Variants in SLC9A1 observed in about 807,000 individuals in gnomAD.
The protein encoded by SLC9A1 is sodium/hydrogen exchanger 1.
SLC9A1 carries 22 observed loss-of-function variants against 67.9 expected under a neutral mutation model. The ratio of observed to expected loss-of-function variants is 0.32; its 90% CI spans 0.23 to 0.46. SLC9A1 has a LOEUF of 0.46. Among genes scored for constraint, SLC9A1 ranks in the 20% least tolerant of loss-of-function variants. The pLI is 1.00. For synonymous variants in SLC9A1, 421 were observed against 471.8 expected (o/e 0.89, Z 1.40); for missense variants, 686 against 1,094.8 (o/e 0.63, Z 5.27).
At chr1:27,131,764 T>G (rs1191738978) in intron 1 of SLC9A1, among the ~76,000 whole-genome samples, 4 of 110,366 alleles carry the variant, frequency 3.6e-5, no homozygotes, top group Non-Finnish European at 8.0e-5. Context: ...AAAAAAAAAA[T>G]TATCCAGGCA....
intron 1 of SLC9A1, among the ~76,000 whole-genome samples, chr1:27,151,255 C>T (rs753108910): frequency 1.3e-5 from 2 of 152,198 alleles, no homozygotes; most frequent in African/African-American, 2.4e-5. Context: ...GCAGCTGTCA[C>T]TCATTGAACA....
intron 1 of SLC9A1, among the ~76,000 whole-genome samples, chr1:27,125,805 GTGGTC>G (rs537899876): frequency 1.1e-3 from 162 of 151,756 alleles, no homozygotes; most frequent in African/African-American, 3.7e-3. Flanking sequence ...GTTGGCCAGG[GTGGTC>G]TCGATCTCTT....
rs1305635068 is a variant in SLC9A1, at chr1:27,143,579, T to C, written c.352+10404A>G. Among the ~76,000 whole-genome samples the C allele has an allele frequency of 2.0e-5, 3 of 152,132 alleles. No individual in the cohort carries two copies. The South Asian group carries it at 6.2e-4, about 31-fold the overall frequency. On this transcript the variant is annotated intron_variant, in intron 1 of 11. Coordinates refer to ENST00000263980, the MANE Select transcript of SLC9A1 (RefSeq NM_003047.5). ...AAGGATAGAGCTGTGGAATTCCCCATCTGAGGGCCTCACAGTCTGCTTAGG... is the reference window on the plus strand; with the variant it reads ...AAGGATAGAGCTGTGGAATTCCCCACCTGAGGGCCTCACAGTCTGCTTAGG...
intron 8 of SLC9A1, 105 bp downstream of exon 8, chr1:27,102,280 C>T (rs2124128863): frequency 1.4e-6 from 2 of 1,404,828 alleles, no homozygotes; most frequent in Non-Finnish European, 2.0e-6. Context: ...TCTTGTCCGC[C>T]CCAACAGGAC....
chr1:27,110,138 T>C (rs1284747372), intron 2 of SLC9A1, among the ~76,000 whole-genome samples: 1 of 152,140 alleles, frequency 6.6e-6, no homozygotes, highest in African/African-American at 2.4e-5. Flanking sequence ...AGGATAATAA[T>C]ACCAAATCTT....
intron 1 of SLC9A1, among the ~76,000 whole-genome samples, chr1:27,146,048 G>A (rs1039312605): frequency 1.2e-4 from 19 of 152,228 alleles, no homozygotes; most frequent in African/African-American, 4.6e-4. Context: ...CCAGTGCAGT[G>A]TGTGCAGACA....
intron 1 of SLC9A1, among the ~76,000 whole-genome samples, chr1:27,130,693 T>A (rs2083378561): frequency 6.6e-6 from 1 of 152,200 alleles, no homozygotes; most frequent in Admixed American, 6.5e-5. Context: ...AGGTAGACAC[T>A]ACTGTTTCAA....
chr1:27,153,766 T>A (rs752034729), intron 1 of SLC9A1, among the ~76,000 whole-genome samples: 11 of 152,214 alleles, frequency 7.2e-5, no homozygotes, highest in Non-Finnish European at 1.3e-4. Context: ...TGCTCTCTTC[T>A]GTGCACAGTG....
At chr1:27,147,135 C>A (rs1193138324) in intron 1 of SLC9A1, among the ~76,000 whole-genome samples, 5 of 150,776 alleles carry the variant, frequency 3.3e-5, no homozygotes, top group South Asian at 2.1e-4. Flanking sequence ...AACAAACAAA[C>A]AAAAAAACCA....
chr1:27,155,089 G>A lies in SLC9A1; in HGVS notation c.-755C>T, dbSNP rs559596791. On this transcript the variant is annotated 5_prime_UTR_variant, in exon 1 of 12. Transcript: ENST00000263980. This position sits in a 1 kb window ranked among gnomAD's most constrained non-coding sequence, Gnocchi z 4.5. The stretch of plus-strand genomic sequence containing the variant: ...TGCAGCTCCTCCTGGTCCAGCTCCA[G>A]AACTAACCCTAGCCCCGGCCCCGGC... Among the ~76,000 whole-genome samples, 5 of 152,142 alleles carry A rather than the reference G, an allele frequency of 3.3e-5. No homozygotes were observed. Among genetic ancestry groups the A allele is most frequent in the African/African-American group, 7.2e-5 (3 of 41,546 alleles).
chr1:27,154,512 C>G lies in SLC9A1; in HGVS notation c.-178G>C, dbSNP rs2083553296. 3.9e-6 allele frequency: 2 copies of G among 515,898 alleles called. No homozygotes were observed. The highest frequency in any genetic ancestry group is 3.2e-5 in the East Asian group (1 of 31,240). The allele number at this position is 515,898 out of a possible 1,614,324, so 32.0% of individuals were successfully genotyped here. On this transcript the variant is annotated 5_prime_UTR_variant, in exon 1 of 12. Transcript: ENST00000263980. ...TGGGGGTGGAGGGAGGCTGGGTTTG[C>G]AATCTGGAACTCCAAAGTGGGGAAA...
intron 1 of SLC9A1, among the ~76,000 whole-genome samples, chr1:27,122,249 C>A (rs2083309230): frequency 6.6e-6 from 1 of 152,136 alleles, no homozygotes. Flanking sequence ...GTGTTCGGTG[C>A]CTCAGCCAGC....
intron 5 of SLC9A1, 41 bp from the exon 6 acceptor site, chr1:27,103,353 C>T: frequency 6.9e-7 from 1 of 1,453,136 alleles, no homozygotes; most frequent in East Asian, 2.3e-5. Flanking sequence ...GTTCTGCTAC[C>T]CAGGCAGGGA....
intron 1 of SLC9A1, among the ~76,000 whole-genome samples, chr1:27,132,961 C>T (rs1001672916): frequency 6.6e-6 from 1 of 152,236 alleles, no homozygotes; most frequent in African/African-American, 2.4e-5. Flanking sequence ...GAGTGGGACC[C>T]ACCTGGCCCC....
At chr1:27,135,272 G>A (rs2083412324) in intron 1 of SLC9A1, among the ~76,000 whole-genome samples, 2 of 151,206 alleles carry the variant, frequency 1.3e-5, no homozygotes, top group Admixed American at 6.6e-5. Context: ...AGGCTGGTCT[G>A]AAACTCCCAG....
chr1:27,105,506 C>A, intron 5 of SLC9A1: 1 of 579,496 alleles, frequency 1.7e-6, no homozygotes, highest in Non-Finnish European at 3.1e-6. Context: ...CCATGTTAGT[C>A]AGGCTGGTCT....
Position 27,154,406 on chromosome 1 carries a change from T to C in SLC9A1, c.-72A>G. 1.1e-6 allele frequency: 1 copy of C among 951,030 alleles called. No individual in the cohort carries two copies. Among genetic ancestry groups the C allele is most frequent in the Non-Finnish European group, 1.6e-6 (1 of 642,396 alleles). 58.9% of individuals were successfully genotyped at this position (951,030 alleles called of 1,614,324 possible). Reference sequence around the variant, plus strand: ...AACCGGGCACATAGGTAGCAAAGGGTCAGCAAGTGGGAAGAGAGACTGGCG... The same window carrying C: ...AACCGGGCACATAGGTAGCAAAGGGCCAGCAAGTGGGAAGAGAGACTGGCG... On this transcript the variant is annotated 5_prime_UTR_variant, in exon 1 of 12. Coordinates refer to ENST00000263980, the MANE Select transcript of SLC9A1 (RefSeq NM_003047.5).
At position 27,100,595 on chromosome 1, in the gene SLC9A1, G is replaced by A. The variant is rs772086866; in HGVS notation, c.2160C>T (p.Asp720=). ...ACTCGGGTGACTGCGGGGAAGCCGG[G>A]TCGATGGTGATGACAGGCAGGTCCT... ...PKEDLPVITI[D]PASPQSPESV... is the part of the protein sequence containing the mutation. Residue 720 remains aspartate, a synonymous_variant, in exon 12 of 12, where the codon GAC becomes GAT. Transcript: ENST00000263980. The surrounding 1 kb of genome is among the most constrained non-coding windows in gnomAD (Gnocchi z 5.6). The A allele has an allele frequency of 6.2e-7, 1 of 1,613,658 alleles. No homozygotes were observed. Among genetic ancestry groups the A allele is most frequent in the Non-Finnish European group, 8.5e-7 (1 of 1,179,716 alleles).
intron 1 of SLC9A1, among the ~76,000 whole-genome samples, chr1:27,126,953 G>T (rs1415492103): frequency 6.6e-6 from 1 of 152,176 alleles, no homozygotes; most frequent in Non-Finnish European, 1.5e-5. Context: ...CATCTGGAAA[G>T]ACAGGACAGG....
Sources: allele counts gnomAD v4.1 joint callset (sites outside exome capture counted in the v4.1 genomes callset), GRCh38; gene constraint gnomAD v4.1.1; non-coding constraint Gnocchi (gnomAD v3.1); transcripts MANE v1.5; gene names NCBI Gene and HGNC (gene_info 2026-07-23, HGNC 2026-07-21).